KDM2B: variants seen among roughly 807,000 people sequenced by gnomAD.
The protein encoded by KDM2B is lysine demethylase 2B.
Under a neutral mutation model 150.0 loss-of-function variants are expected in KDM2B, and 26 were observed. The observed-to-expected ratio is 0.17, with a 90% CI of 0.13 to 0.24. KDM2B has a LOEUF of 0.24. KDM2B is among the 10% of genes least tolerant of loss of function. The pLI is 1.00. For synonymous variants in KDM2B, 734 were observed against 729.5 expected (o/e 1.01, Z -0.10); for missense variants, 1,265 against 1,816.9 (o/e 0.70, Z 5.52).
intron 9 of KDM2B, among the ~76,000 whole-genome samples, chr12:121,517,319 T>C (rs116006658): frequency 0.012 from 1,782 of 152,174 alleles, 26 homozygotes; most frequent in African/African-American, 0.041. Context: ...TGCCACCTCA[T>C]GGGCAGTGAC....
intron 10 of KDM2B, among the ~76,000 whole-genome samples, chr12:121,512,296 CA>C (rs1555304158): frequency 1.3e-5 from 2 of 152,126 alleles, no homozygotes; most frequent in Non-Finnish European, 2.9e-5. Context: ...ACAGACCTCA[CA>C]GGCAAAGACT....
chr12:121,500,578 A>G (rs532341312), intron 11 of KDM2B, among the ~76,000 whole-genome samples: 1 of 152,384 alleles, frequency 6.6e-6, no homozygotes, highest in South Asian at 2.1e-4. Context: ...TCCCACTGTG[A>G]AAACAAGGCA....
chr12:121,416,797 C>CTCT, the KDM2B span, among the ~76,000 whole-genome samples: 2 of 152,198 alleles, frequency 1.3e-5, no homozygotes, highest in South Asian at 4.1e-4. Flanking sequence ...GATTCAACAT[C>CTCT]AAATACTTAG....
intron 10 of KDM2B, among the ~76,000 whole-genome samples, chr12:121,510,294 TAA>T (rs1211083576): frequency 6.6e-6 from 1 of 152,204 alleles, no homozygotes; most frequent in East Asian, 1.9e-4. Flanking sequence ...TTTATTTATA[TAA>T]AGACAGTCTT....
chr12:121,436,328 T>C (rs965441116), intron 22 of KDM2B, among the ~76,000 whole-genome samples: 1 of 152,096 alleles, frequency 6.6e-6, no homozygotes, highest in Non-Finnish European at 1.5e-5. Context: ...GAAACCATCC[T>C]GGCTAACACG....
chr12:121,433,178 T>C (rs1555285935), intron 22 of KDM2B: 1 of 456,776 alleles, frequency 2.2e-6, no homozygotes, highest in Non-Finnish European at 4.4e-6. Context: ...TCCCCAAAAC[T>C]GGAGCCCAAA....
Position 121,532,978 on chromosome 12 carries a change from C to T in KDM2B, c.778-19G>A, listed in dbSNP as rs782296183. ...AAAAAATCTTGGGAGAAAACACAGG[C>T]AGTCAGCTGGAGACCCAGGCCCAGA... On this transcript the variant is annotated intron_variant, in intron 7 of 22. Coordinates refer to ENST00000377071, the MANE Select transcript of KDM2B (RefSeq NM_032590.5). 1 of 1,613,682 alleles carries T rather than the reference C, an allele frequency of 6.2e-7. No homozygotes were observed. Among genetic ancestry groups the T allele is most frequent in the East Asian group, 2.2e-5 (1 of 44,884 alleles).
At chr12:121,495,764 C>A (rs1883869790) in intron 11 of KDM2B, among the ~76,000 whole-genome samples, 1 of 152,138 alleles carries the variant, frequency 6.6e-6, no homozygotes, top group South Asian at 2.1e-4. Context: ...CTACATGTAC[C>A]CTAACCCTGC....
At chr12:121,502,211 G>A (rs1302439679) in intron 11 of KDM2B, among the ~76,000 whole-genome samples, 1 of 152,110 alleles carries the variant, frequency 6.6e-6, no homozygotes, top group Admixed American at 6.6e-5. Flanking sequence ...GTCACCTCAC[G>A]GAGTCCTCAT....
At chr12:121,560,954 G>A (rs983841887) in intron 4 of KDM2B, among the ~76,000 whole-genome samples, 5 of 152,146 alleles carry the variant, frequency 3.3e-5, no homozygotes, top group Admixed American at 2.6e-4. Context: ...TGGGGCTCTC[G>A]GGTTCCTGAA....
In KDM2B at chr12:121,439,983, G is replaced by A. The variant is rs370913155; in HGVS notation, c.3703C>T (p.Arg1235Cys). ...ITDASLRLIIRHMPLLSKLHL... is the reference protein window; with the variant it reads ...ITDASLRLIICHMPLLSKLHL... ...AGCTTGGAGAGCAGGGGCATGTGGC[G>A]GATGATGAGCCGCAGGGAGGCATCT... Residue 1235 changes from arginine (R) to cysteine (C), a missense_variant, in exon 22 of 23, where the codon CGC becomes TGC. Physicochemically the swap from Arg to Cys is radical, Grantham distance 180 (BLOSUM62 -3). Transcript: ENST00000377071. 3.3e-5 allele frequency: 53 copies of A among 1,614,152 alleles called. No homozygotes were observed. The highest frequency in any genetic ancestry group is 2.0e-4 in the South Asian group (18 of 91,080).
chr12:121,458,539 C>T (rs564655305), intron 12 of KDM2B, among the ~76,000 whole-genome samples: 5 of 152,264 alleles, frequency 3.3e-5, no homozygotes, highest in Admixed American at 1.3e-4. Flanking sequence ...CGGTGACTCA[C>T]GCCTATAATC....
intron 1 of KDM2B, chr12:121,580,289 C>T: frequency 8.0e-7 from 1 of 1,254,784 alleles, no homozygotes; most frequent in Admixed American, 4.0e-5. Flanking sequence ...ATCCCCGGAA[C>T]GTAAACATTG....
intron 4 of KDM2B, among the ~76,000 whole-genome samples, chr12:121,561,425 G>A (rs1325363208): frequency 6.6e-6 from 1 of 152,140 alleles, no homozygotes; most frequent in East Asian, 1.9e-4. Context: ...GTTCAAATCC[G>A]ACTCTGCTCT....
intron 12 of KDM2B, among the ~76,000 whole-genome samples, chr12:121,455,736 A>T (rs919818280): frequency 6.6e-6 from 1 of 152,158 alleles, no homozygotes; most frequent in Non-Finnish European, 1.5e-5. Context: ...CCATCCTTAC[A>T]ATGAGGGCCG....
At chr12:121,559,266 A>G (rs911666325) in intron 4 of KDM2B, among the ~76,000 whole-genome samples, 1 of 150,796 alleles carries the variant, frequency 6.6e-6, no homozygotes, top group Middle Eastern at 3.4e-3. Flanking sequence ...CTTGGTTCTA[A>G]GAAGAGTTTC....
At chr12:121,545,694 C>A (rs1888981116) in intron 6 of KDM2B, among the ~76,000 whole-genome samples, 1 of 152,190 alleles carries the variant, frequency 6.6e-6, no homozygotes, top group Non-Finnish European at 1.5e-5. Flanking sequence ...GCCCCCACGC[C>A]ATCCAATCCC....
chr12:121,515,859 C>T (rs575094656), intron 9 of KDM2B, among the ~76,000 whole-genome samples: 20 of 152,116 alleles, frequency 1.3e-4, no homozygotes, highest in Admixed American at 1.3e-3. Flanking sequence ...CTTCAGCCCC[C>T]TGGGGGATGC....
rs530656008 is a variant in KDM2B at position 121,519,719 on chromosome 12, C to CTT, written c.1047+1264_1047+1265dup. Among the ~76,000 whole-genome samples the CTT allele has an allele frequency of 1.2e-4, 19 of 152,160 alleles. No homozygotes were observed. The South Asian group carries it at 3.7e-3, about 30-fold the overall frequency. On this transcript the variant is annotated intron_variant, in intron 9 of 22. Coordinates refer to ENST00000377071, the MANE Select transcript of KDM2B (RefSeq NM_032590.5). ...GAATTAGTGGTGATCATGACACAAT[C>CTT]TTATAAAGATACTAAAACCACTGAA...
Sources: gnomAD v4.1 joint callset for allele counts (sites outside exome capture counted in the v4.1 genomes callset) on GRCh38, gnomAD v4.1.1 for gene constraint, MANE v1.5 for transcripts, NCBI Gene and HGNC (gene_info 2026-07-23, HGNC 2026-07-21) for gene names.